KCNMA1: variants seen among roughly 807,000 people sequenced by gnomAD.
The protein encoded by KCNMA1 is potassium calcium-activated channel subfamily M alpha 1, also known as Calcium-activated potassium channel subunit alpha-1.
Under a neutral mutation model 140.0 loss-of-function variants are expected in KCNMA1, and 29 were observed. The ratio of observed to expected loss-of-function variants is 0.21; its 90% CI spans 0.15 to 0.28. The LOEUF (loss-of-function observed/expected upper bound fraction) is 0.28. KCNMA1 is among the 10% of genes least tolerant of loss of function. The pLI is 1.00. For synonymous variants in KCNMA1, 612 were observed against 611.9 expected (o/e 1.00, Z 0.00); for missense variants, 880 against 1,602.2 (o/e 0.55, Z 7.70).
chr10:77,005,689 T>C (rs1409751031), intron 18 of KCNMA1, among the ~76,000 whole-genome samples: 1 of 152,216 alleles, frequency 6.6e-6, no homozygotes, highest in African/African-American at 2.4e-5. Flanking sequence ...TCCGAAGACC[T>C]AGGTCCTGGC....
intron 5 of KCNMA1, among the ~76,000 whole-genome samples, chr10:77,141,907 C>T (rs2616649): frequency 0.88 from 134,529 of 152,306 alleles, 59,533 homozygotes; most frequent in African/African-American, 0.95. Context: ...CTGACCATGA[C>T]GTATTGAGCA....
At chr10:77,436,105 C>G (rs768673763) in intron 1 of KCNMA1, among the ~76,000 whole-genome samples, 65 of 152,168 alleles carry the variant, frequency 4.3e-4, no homozygotes, top group Non-Finnish European at 8.5e-4. Flanking sequence ...AATTGGATCC[C>G]CAGATGTTCC....
chr10:77,295,641 C>T (rs1480299102), intron 2 of KCNMA1, among the ~76,000 whole-genome samples: 33 of 150,066 alleles, frequency 2.2e-4, no homozygotes, highest in African/African-American at 7.6e-4. Flanking sequence ...ATTAGCCGGG[C>T]GCGGTGGCGG....
At chr10:77,223,769 T>C (rs12768731) in intron 3 of KCNMA1, among the ~76,000 whole-genome samples, 32,900 of 152,070 alleles carry the variant, frequency 0.22, 4,153 homozygotes, top group Non-Finnish European at 0.28. Context: ...GAGGGTGTGC[T>C]TGGATCTGGT....
intron 2 of KCNMA1, among the ~76,000 whole-genome samples, chr10:77,382,986 G>GTATATATA (rs1304018219): frequency 1.7e-5 from 1 of 58,186 alleles, no homozygotes; most frequent in African/African-American, 7.8e-5. Flanking sequence ...GTGTGTGTGT[G>GTATATATA]TGTGTGTGTA....
At chr10:77,381,547 G>T (rs2095385959) in intron 2 of KCNMA1, among the ~76,000 whole-genome samples, 1 of 152,110 alleles carries the variant, frequency 6.6e-6, no homozygotes. Context: ...TTCTGGCACT[G>T]AAATTCTCTT....
intron 2 of KCNMA1, among the ~76,000 whole-genome samples, chr10:77,328,350 G>C (rs909222175): frequency 6.6e-6 from 1 of 152,186 alleles, no homozygotes; most frequent in Non-Finnish European, 1.5e-5. Flanking sequence ...CTGCAAGTCA[G>C]AGGGCCAGTA....
chr10:77,200,889 T>C (rs1284906157), intron 3 of KCNMA1, among the ~76,000 whole-genome samples: 1 of 152,154 alleles, frequency 6.6e-6, no homozygotes, highest in Non-Finnish European at 1.5e-5. Flanking sequence ...CTGCATCCAC[T>C]ATTAATTACC....
chr10:77,508,139 C>G (rs2046814325), intron 1 of KCNMA1, among the ~76,000 whole-genome samples: 1 of 152,122 alleles, frequency 6.6e-6, no homozygotes, highest in South Asian at 2.1e-4. Flanking sequence ...CAAATATGAA[C>G]AGCAATCATC....
chr10:77,552,384 T>G (rs963182238), intron 1 of KCNMA1, among the ~76,000 whole-genome samples: 2 of 152,156 alleles, frequency 1.3e-5, no homozygotes, highest in African/African-American at 4.8e-5. Context: ...CTTCCTCATA[T>G]GAAAACAGGA....
intron 2 of KCNMA1, among the ~76,000 whole-genome samples, chr10:77,356,944 T>C (rs953571851): frequency 6.6e-6 from 1 of 152,204 alleles, no homozygotes; most frequent in Non-Finnish European, 1.5e-5. Flanking sequence ...TGTATGTCTA[T>C]ATATAAAAGA....
intron 1 of KCNMA1, among the ~76,000 whole-genome samples, chr10:77,453,364 T>TAA (rs35883503): frequency 0.34 from 49,701 of 144,928 alleles, 9,217 homozygotes; most frequent in Non-Finnish European, 0.42. Flanking sequence ...AATAAATAAA[T>TAA]ATAAATAAAT....
At chr10:77,160,034 T>C (rs1216315306) in intron 5 of KCNMA1, among the ~76,000 whole-genome samples, 7 of 152,092 alleles carry the variant, frequency 4.6e-5, no homozygotes, top group Non-Finnish European at 1.0e-4. Flanking sequence ...TGGATGGAGG[T>C]GGATGAATCC....
chr10:76,949,034 G>C (rs981732115), intron 22 of KCNMA1, 108 bp downstream of exon 22: 30 of 956,372 alleles, frequency 3.1e-5, no homozygotes, highest in Non-Finnish European at 4.8e-5. Flanking sequence ...CCCATACCCA[G>C]ATGAAGAAGC....
At chr10:77,121,100 T>G (rs767006503) in intron 5 of KCNMA1, 52 bp from the exon 6 acceptor site, 2 of 1,151,270 alleles carry the variant, frequency 1.7e-6, no homozygotes, top group African/African-American at 1.5e-5. Context: ...GTGATTTTAA[T>G]GTTCACAGTC....
rs554614166 is a variant in KCNMA1, at chr10:77,120,086, T to A, written c.884+887A>T. On this transcript the variant is annotated intron_variant, in intron 6 of 27. Transcript: ENST00000286628. ...TTACAAATCACAAAATATGGAGGTG[T>A]CCTGTTTTTAATCATTTATCAAATG... Among the ~76,000 whole-genome samples the A allele has an allele frequency of 3.9e-5, 6 of 152,254 alleles. No homozygotes were observed. The East Asian group carries it at 1.2e-3, about 29-fold the overall frequency.
At chr10:77,402,673 A>C (rs2096312151) in intron 2 of KCNMA1, among the ~76,000 whole-genome samples, 1 of 152,190 alleles carries the variant, frequency 6.6e-6, no homozygotes, top group Non-Finnish European at 1.5e-5. Flanking sequence ...GATTCTGAGA[A>C]GTGAAATTCT....
At chr10:77,196,491 T>C (rs1436446760) in intron 3 of KCNMA1, among the ~76,000 whole-genome samples, 2 of 152,156 alleles carry the variant, frequency 1.3e-5, no homozygotes, top group Non-Finnish European at 2.9e-5. Context: ...AATGCTCCCA[T>C]TCAAAGGATC....
chr10:77,499,289 T>G (rs982457778), intron 1 of KCNMA1, among the ~76,000 whole-genome samples: 1 of 152,024 alleles, frequency 6.6e-6, no homozygotes, highest in African/African-American at 2.4e-5. Flanking sequence ...ATGACAGATA[T>G]AGAGGACAGG....
Sources: gnomAD v4.1 joint callset for allele counts (sites outside exome capture counted in the v4.1 genomes callset) on GRCh38, gnomAD v4.1.1 for gene constraint, MANE v1.5 for transcripts, NCBI Gene and HGNC (gene_info 2026-07-23, HGNC 2026-07-21) for gene names.